The following PTPRD variants were observed in gnomAD, a reference collection of about 807,000 sequenced individuals.
PTPRD encodes receptor-type tyrosine-protein phosphatase delta.
A neutral mutation model predicts 214.5 loss-of-function variants in PTPRD; 34 were observed. The ratio of observed to expected loss-of-function variants is 0.16; its 90% CI spans 0.12 to 0.21. The LOEUF is 0.21. Among genes scored for constraint, PTPRD ranks in the 10% least tolerant of loss-of-function variants. The pLI, the probability that PTPRD is intolerant of heterozygous loss-of-function variation, is 1.00. For missense variants in PTPRD, 2,545 were observed against 2,398.7 expected (o/e 1.06, Z -1.27); for synonymous variants, 1,128 against 845.7 (o/e 1.33, Z -5.79).
chr9:9,848,017 T>A (rs1375007909), intron 5 of PTPRD, among the ~76,000 whole-genome samples: 2 of 152,148 alleles, frequency 1.3e-5, no homozygotes, highest in African/African-American at 4.8e-5. Context: ...CAAGCAGCAT[T>A]GAAGACTTTT....
At chr9:9,199,662 A>G (rs1263071142) in intron 9 of PTPRD, among the ~76,000 whole-genome samples, 3 of 152,230 alleles carry the variant, frequency 2.0e-5, no homozygotes, top group African/African-American at 7.2e-5. Context: ...AATTTTAAAT[A>G]TATTTCAGAA....
intron 11 of PTPRD, among the ~76,000 whole-genome samples, chr9:8,946,914 T>A (rs1183938136): frequency 6.6e-6 from 1 of 151,782 alleles, no homozygotes; most frequent in Non-Finnish European, 1.5e-5. Flanking sequence ...TTTCTGTCTC[T>A]AACTGTGTCT....
intron 2 of PTPRD, among the ~76,000 whole-genome samples, chr9:10,556,493 C>T (rs2062632352): frequency 6.6e-6 from 1 of 151,898 alleles, no homozygotes; most frequent in Non-Finnish European, 1.5e-5. Flanking sequence ...CAAGGAAAAA[C>T]GTAGAAAATA....
intron 3 of PTPRD, among the ~76,000 whole-genome samples, chr9:10,307,136 AC>A (rs2154412816): frequency 6.6e-6 from 1 of 152,224 alleles, no homozygotes; most frequent in Non-Finnish European, 1.5e-5. Context: ...AACTATAGTT[AC>A]CCTACTTTAT....
intron 10 of PTPRD, among the ~76,000 whole-genome samples, chr9:9,148,576 T>G (rs2154486289): frequency 6.6e-6 from 1 of 152,252 alleles, no homozygotes; most frequent in Admixed American, 6.5e-5. Context: ...ATGAGACTGC[T>G]TGGTCCCCAT....
chr9:9,587,079 T>C (rs1331081477), intron 7 of PTPRD, among the ~76,000 whole-genome samples: 1 of 151,888 alleles, frequency 6.6e-6, no homozygotes. Flanking sequence ...CAAAATGTGT[T>C]ATGTGAATAT....
intron 5 of PTPRD, among the ~76,000 whole-genome samples, chr9:9,834,531 T>A (rs1442809585): frequency 2.6e-5 from 4 of 151,994 alleles, no homozygotes; most frequent in African/African-American, 9.7e-5. Flanking sequence ...TTCTACCAGT[T>A]CCTAAGTATG....
chr9:9,080,477 G>C (rs1355155379), intron 10 of PTPRD, among the ~76,000 whole-genome samples: 1 of 152,052 alleles, frequency 6.6e-6, no homozygotes, highest in East Asian at 1.9e-4. Flanking sequence ...TACAACTTTA[G>C]AAATGATATC....
At chr9:9,427,489 T>G (rs879507410) in intron 8 of PTPRD, among the ~76,000 whole-genome samples, 10 of 152,208 alleles carry the variant, frequency 6.6e-5, no homozygotes, top group Non-Finnish European at 1.0e-4. Flanking sequence ...AAAACACTCT[T>G]CAGGATATTA....
chr9:8,895,478 CT>C (rs1169501380), intron 11 of PTPRD, among the ~76,000 whole-genome samples: 1 of 152,126 alleles, frequency 6.6e-6, no homozygotes, highest in East Asian at 1.9e-4. Flanking sequence ...TGGAAACTAT[CT>C]TTTAGATAAT....
At chr9:8,757,865 A>G (rs2094133914) in intron 11 of PTPRD, among the ~76,000 whole-genome samples, 1 of 152,138 alleles carries the variant, frequency 6.6e-6, no homozygotes, top group Non-Finnish European at 1.5e-5. Context: ...ATGGCATGAG[A>G]CATTTCTGAT....
At chr9:9,447,447 T>C (rs912186714) in intron 8 of PTPRD, among the ~76,000 whole-genome samples, 3 of 151,916 alleles carry the variant, frequency 2.0e-5, no homozygotes, top group Admixed American at 1.3e-4. Context: ...CTCACTTATA[T>C]GTAGAAGTTA....
At chr9:9,578,715 T>A (rs998731585) in intron 7 of PTPRD, among the ~76,000 whole-genome samples, 11 of 152,080 alleles carry the variant, frequency 7.2e-5, no homozygotes, top group African/African-American at 2.2e-4. Context: ...GTTTCATATA[T>A]TAGAGATTAT....
intron 2 of PTPRD, among the ~76,000 whole-genome samples, chr9:10,425,548 C>T (rs1338229720): frequency 6.6e-6 from 1 of 151,930 alleles, no homozygotes; most frequent in Admixed American, 6.6e-5. Flanking sequence ...TTTTTACCCA[C>T]ATAAGAGTCC....
intron 7 of PTPRD, among the ~76,000 whole-genome samples, chr9:9,637,842 G>T (rs947563049): frequency 6.6e-6 from 1 of 152,134 alleles, no homozygotes; most frequent in Admixed American, 6.6e-5. Flanking sequence ...AGTAGGTCTC[G>T]ACCTGGCACT....
intron 9 of PTPRD, among the ~76,000 whole-genome samples, chr9:9,285,811 C>T (rs757747963): frequency 1.3e-5 from 2 of 151,772 alleles, no homozygotes; most frequent in Non-Finnish European, 1.5e-5. Context: ...ATCTCATCTG[C>T]TTTCATGGCC....
chr9:8,926,272 TCC>T (rs2098891270), intron 11 of PTPRD, among the ~76,000 whole-genome samples: 1 of 152,136 alleles, frequency 6.6e-6, no homozygotes, highest in African/African-American at 2.4e-5. Context: ...TGGGAAGCCT[TCC>T]TTGATCAACC....
At position 9,901,860 on chromosome 9, in the gene PTPRD, G is replaced by T. The variant is rs1436595963; in HGVS notation, c.-368+36647C>A. On this transcript the variant is annotated intron_variant, in intron 5 of 45. Coordinates refer to ENST00000381196, the MANE Select transcript of PTPRD (RefSeq NM_002839.4). ...ATGTCAGAGCCAGAGAGCAAGAGCAGGGGGAAGTGCTACACACTCTCAAAA... is the reference window on the plus strand; with the variant it reads ...ATGTCAGAGCCAGAGAGCAAGAGCATGGGGAAGTGCTACACACTCTCAAAA... Among the ~76,000 whole-genome samples, 6 of 152,278 alleles carry T rather than the reference G, an allele frequency of 3.9e-5. No homozygotes were observed. In the East Asian group the frequency reaches 1.2e-3, roughly 29 times the overall value.
At chr9:8,915,397 C>G (rs13286950) in intron 11 of PTPRD, among the ~76,000 whole-genome samples, 20,737 of 152,030 alleles carry the variant, frequency 0.14, 1,852 homozygotes, top group Non-Finnish European at 0.19. Flanking sequence ...CAACAAGAGG[C>G]ATATATAGAA....
Sources: gnomAD v4.1 joint callset for allele counts (sites outside exome capture counted in the v4.1 genomes callset) on GRCh38, gnomAD v4.1.1 for gene constraint, MANE v1.5 for transcripts, NCBI Gene and HGNC (gene_info 2026-07-23, HGNC 2026-07-21) for gene names.